The following EIF2D variants were observed in gnomAD, a reference collection of about 807,000 sequenced individuals.
EIF2D encodes eukaryotic translation initiation factor 2D.
A neutral mutation model predicts 77.4 loss-of-function variants in EIF2D; 56 were observed. That is an observed-to-expected ratio of 0.72 (90% CI 0.58 to 0.90). EIF2D has a LOEUF of 0.90. EIF2D is among the 40% of genes least tolerant of loss of function. The probability of loss-of-function intolerance (pLI) is 0.00; values close to 1 mark genes in which losing one functional copy is unlikely to be tolerated. For missense variants in EIF2D, 574 were observed against 706.5 expected (o/e 0.81, Z 2.13); for synonymous variants, 230 against 271.0 (o/e 0.85, Z 1.49).
Position 206,608,229 on chromosome 1 carries a change from A to C in EIF2D, c.422+7T>G, listed in dbSNP as rs1032034546. ...TCCCCCAAAGGCACAGTTGCCTGGC[A>C]CAGTACCTGTTCCCCACCAAAGAAA... On this transcript the variant is annotated splice_region_variant and intron_variant, in intron 4 of 14. Coordinates refer to ENST00000271764, the MANE Select transcript of EIF2D (RefSeq NM_006893.3). The C allele has an allele frequency of 1.2e-6, 2 of 1,611,188 alleles. No homozygotes were observed. The highest frequency in any genetic ancestry group is 1.7e-6 in the Non-Finnish European group (2 of 1,178,460).
intron 12 of EIF2D, 61 bp from the exon 13 acceptor site, chr1:206,595,899 C>T: frequency 1.3e-6 from 2 of 1,592,082 alleles, no homozygotes; most frequent in Non-Finnish European, 1.7e-6. Context: ...TCCTCATACC[C>T]CACTACCAGC....
chr1:206,595,867 G>C, intron 12 of EIF2D, 29 bp from the exon 13 acceptor site: 1 of 1,611,384 alleles, frequency 6.2e-7, no homozygotes, highest in South Asian at 1.1e-5. Context: ...GTTGCAAACT[G>C]ATAAAGCCAA....
downstream of EIF2D, among the ~76,000 whole-genome samples, chr1:206,570,088 T>C (rs1553403968): frequency 1.3e-5 from 1 of 76,768 alleles, no homozygotes; most frequent in African/African-American, 5.9e-5. Context: ...CTTTTTTTTT[T>C]TTTTTTTTTT....
exon 3 of EIF2D, chr1:206,581,014 C>T (rs2103565959): frequency 6.6e-6 from 1 of 152,340 alleles, no homozygotes; most frequent in Admixed American, 6.5e-5. Flanking sequence ...CAGGCCGGCC[C>T]CTTCAGCAAA....
In EIF2D at chr1:206,578,231, AAAGT is replaced by A. The variant is rs1281332155; in HGVS notation, c.*254+2457_*254+2460del. ...ACAGAGGGAGACATCTCAAAAAAAA[AAAGT>A]GTGTGTGTGTGTGTGTGTGTGTGTG... On this transcript the variant is annotated intron_variant and NMD_transcript_variant, in intron 4 of 5. Coordinates refer to the EIF2D transcript ENST00000472709. 3.6e-4 allele frequency among the ~76,000 whole-genome samples: 37 copies of A among 103,562 alleles called. No individual in the cohort carries two copies. The South Asian group carries it at 9.7e-3, about 27-fold the overall frequency. 67.9% of individuals were successfully genotyped at this position (103,562 alleles called of 152,430 possible). A position where few individuals can be genotyped will look rare whatever the true frequency, so the allele number is the denominator to read the frequency against.
At chr1:206,578,233 A>AAGTGT (rs1444904780) in intron 4 of EIF2D, among the ~76,000 whole-genome samples, 1 of 117,494 alleles carries the variant, frequency 8.5e-6, no homozygotes, top group Admixed American at 8.5e-5. Context: ...AAAAAAAAAA[A>AAGTGT]GTGTGTGTGT....
chr1:206,582,009 A>AGTTTCC (rs1668906765), intron 2 of EIF2D, among the ~76,000 whole-genome samples: 1 of 152,154 alleles, frequency 6.6e-6, no homozygotes, highest in African/African-American at 2.4e-5. Flanking sequence ...ACTGGGCCTC[A>AGTTTCC]GTTTCCTCAT....
chr1:206,603,762 A>C (rs571966454), intron 5 of EIF2D, among the ~76,000 whole-genome samples: 3 of 152,344 alleles, frequency 2.0e-5, no homozygotes, highest in African/African-American at 7.2e-5. Context: ...ACTAAGCCTT[A>C]GGAAGACAGG....
In EIF2D at chr1:206,581,676, A is replaced by G. The variant is rs533743959; in HGVS notation, c.139-514T>C. Among the ~76,000 whole-genome samples the G allele has an allele frequency of 1.5e-3, 230 of 151,944 alleles. 1 individual carries two copies. Among genetic ancestry groups the G allele is most frequent in the African/African-American group, 5.3e-3 (221 of 41,376 alleles). ...GAAAGAAAAGGAAGGAAGGAAGGAAAGAAAGAAAGGAGGATGTCAGCTGTG... is the reference window on the plus strand; with the variant it reads ...GAAAGAAAAGGAAGGAAGGAAGGAAGGAAAGAAAGGAGGATGTCAGCTGTG... On this transcript the variant is annotated intron_variant and NMD_transcript_variant, in intron 2 of 5. Transcript: ENST00000472709.
intron 4 of EIF2D, among the ~76,000 whole-genome samples, chr1:206,577,645 C>T (rs1668705532): frequency 6.6e-6 from 1 of 152,200 alleles, no homozygotes; most frequent in Admixed American, 6.5e-5. Flanking sequence ...GCACTGGGAT[C>T]TGGGACACCA....
intron 3 of EIF2D, 120 bp downstream of exon 3, chr1:206,609,256 A>G: frequency 4.3e-6 from 4 of 923,558 alleles, no homozygotes; most frequent in East Asian, 2.5e-5. Context: ...TAAAACACAT[A>G]GGGGAAAAAA....
intron 2 of EIF2D, chr1:206,585,054 T>C: frequency 1.4e-6 from 1 of 707,530 alleles, no homozygotes; most frequent in Non-Finnish European, 2.5e-6. Context: ...GTTCATTTCA[T>C]TAAAAGGCCC....
intron 7 of EIF2D, 127 bp from the exon 8 acceptor site, chr1:206,600,435 A>G: frequency 1.3e-6 from 1 of 796,560 alleles, no homozygotes; most frequent in Non-Finnish European, 2.1e-6. Context: ...ACTGTGCCAG[A>G]ACTCTCTGCC....
At position 206,593,755 on chromosome 1, in the gene EIF2D, G is replaced by A. The variant is rs1553409505; in HGVS notation, c.1548C>T (p.Asp516=). 3 of 1,611,030 alleles carry A rather than the reference G, an allele frequency of 1.9e-6. No individual in the cohort carries two copies. Among genetic ancestry groups the A allele is most frequent in the Middle Eastern group, 1.7e-4 (1 of 5,858 alleles). The change falls in exon 14 of 15, where the codon GAC becomes GAT. Residue 516 remains aspartate, a synonymous_variant. Transcript: ENST00000271764. ...GAAGGATGGCAGCCACTGAGTATGG[G>A]TCCAGACCATAGGCCTCCAAGTTCC... ...VVRNLEAYGL[D]PYSVAAILQQ...
At position 206,600,311 on chromosome 1, in the gene EIF2D, G is replaced by C. The variant is rs1558535503; in HGVS notation, c.903-3C>G. ...TGTCCAGTTGTCGTCCTTCGGGGCT[G>C]ATGGCAGATGGAAAAGGCAAATTAA... On this transcript the variant is annotated splice_region_variant and splice_polypyrimidine_tract_variant and intron_variant, in intron 7 of 14. Transcript: ENST00000271764. The C allele has an allele frequency of 6.2e-7, 1 of 1,613,630 alleles. No individual in the cohort carries two copies. Among genetic ancestry groups the C allele is most frequent in the Non-Finnish European group, 8.5e-7 (1 of 1,179,768 alleles).
chr1:206,580,924 A>C lies in EIF2D; in HGVS notation c.*177+11T>G, dbSNP rs139344472. 2.0e-5 allele frequency: 3 copies of C among 152,372 alleles called. No individual in the cohort carries two copies. The East Asian group carries it at 5.8e-4, about 29-fold the overall frequency. 9.4% of individuals were successfully genotyped at this position (152,372 alleles called of 1,614,324 possible). On this transcript the variant is annotated intron_variant and NMD_transcript_variant, in intron 3 of 5. Transcript: ENST00000472709. ...ATCTTAGATGAACATTTCACAGATCAGGTAACTTACAGGCTTTGGTTTAAC... is the reference window on the plus strand; with the variant it reads ...ATCTTAGATGAACATTTCACAGATCCGGTAACTTACAGGCTTTGGTTTAAC...
Position 206,593,791 on chromosome 1 carries a change from C to T in EIF2D, c.1512G>A (p.Val504=). The T allele has an allele frequency of 3.1e-6, 5 of 1,597,978 alleles. No individual in the cohort carries two copies. The highest frequency in any genetic ancestry group is 4.3e-6 in the Non-Finnish European group (5 of 1,168,284). ...TLAQRASNKK[V]TVVRNLEAYG... Reference sequence around the variant, plus strand: ...AGGCCTCCAAGTTCCGGACCACGGTCACCTGGGGGGACAGTGGGGACAGAG... The same window carrying T: ...AGGCCTCCAAGTTCCGGACCACGGTTACCTGGGGGGACAGTGGGGACAGAG... The change falls in exon 14 of 15, where the codon GTG becomes GTA. Residue 504 remains valine, a splice_region_variant and synonymous_variant. Coordinates refer to ENST00000271764, the MANE Select transcript of EIF2D (RefSeq NM_006893.3).
Position 206,611,293 on chromosome 1 carries a change from CT to C in EIF2D, c.137del (p.Glu46GlyfsTer6). The C allele has an allele frequency of 6.2e-7, 1 of 1,614,220 alleles. No homozygotes were observed. Among genetic ancestry groups the C allele is most frequent in the East Asian group, 2.2e-5 (1 of 44,886 alleles). On this transcript the variant is annotated frameshift_variant, in exon 2 of 15. Coordinates refer to ENST00000271764, the MANE Select transcript of EIF2D (RefSeq NM_006893.3). LOFTEE classifies it high-confidence loss of function. ...DQVSELVPGK[E>X]ELNIVKLYAH... is the part of the protein sequence containing the mutation. ...CATACAACTTCACAATGTTGAGCTC[CT>C]CCTTTCCAGGTACTAACTCAGAGAC... is the stretch of plus-strand genomic sequence containing the variant.
chr1:206,593,518 T>G, intron 14 of EIF2D, 101 bp downstream of exon 14: 2 of 615,856 alleles, frequency 3.2e-6, no homozygotes, highest in Non-Finnish European at 5.2e-6. Context: ...AGTGTGTGTG[T>G]GTGTGTGTGT....
Sources: allele counts gnomAD v4.1 joint callset (sites outside exome capture counted in the v4.1 genomes callset), GRCh38; gene constraint gnomAD v4.1.1; transcripts MANE v1.5; gene names NCBI Gene and HGNC (gene_info 2026-07-23, HGNC 2026-07-21).